CADPS: variants seen among roughly 807,000 people sequenced by gnomAD.
CADPS encodes the protein calcium-dependent secretion activator 1.
A neutral mutation model predicts 167.3 loss-of-function variants in CADPS; 57 were observed. The ratio of observed to expected loss-of-function variants is 0.34; its 90% CI spans 0.28 to 0.42. CADPS has a LOEUF of 0.42. Among genes scored for constraint, CADPS ranks in the 20% least tolerant of loss-of-function variants. The pLI is 1.00. For synonymous variants in CADPS, 676 were observed against 635.3 expected (o/e 1.06, Z -0.96); for missense variants, 1,414 against 1,738.1 (o/e 0.81, Z 3.32).
chr3:62,554,400 T>C (rs1372961871), intron 10 of CADPS, among the ~76,000 whole-genome samples: 1 of 152,150 alleles, frequency 6.6e-6, no homozygotes, highest in Admixed American at 6.5e-5. Context: ...ACAATATTAA[T>C]TGCATCCCTC....
intron 13 of CADPS, among the ~76,000 whole-genome samples, chr3:62,525,878 C>G (rs967545375): frequency 6.6e-6 from 1 of 151,990 alleles, no homozygotes; most frequent in Non-Finnish European, 1.5e-5. Context: ...ACATTGGAGG[C>G]AAGGGCACAG....
rs72891934 is a variant in CADPS at position 62,504,902 on chromosome 3, C to A, written c.2600-5634G>T. 5.7e-3 allele frequency among the ~76,000 whole-genome samples: 867 copies of A among 152,264 alleles called. 9 individuals carry two copies. Among genetic ancestry groups the A allele is most frequent in the African/African-American group, 0.019 (788 of 41,542 alleles). On this transcript the variant is annotated intron_variant, in intron 17 of 29. Coordinates refer to ENST00000383710, the MANE Select transcript of CADPS (RefSeq NM_003716.4). ...CCTTAAATAACCTGACCAACTCTGGCTCTAGCTAGTGAATTGCCAGTCCCT... is the reference window on the plus strand; with the variant it reads ...CCTTAAATAACCTGACCAACTCTGGATCTAGCTAGTGAATTGCCAGTCCCT...
chr3:62,417,695 A>G (rs1413281408), intron 28 of CADPS, among the ~76,000 whole-genome samples: 2 of 151,954 alleles, frequency 1.3e-5, no homozygotes, highest in African/African-American at 4.8e-5. Flanking sequence ...ATAATATTGC[A>G]ATGACTCACA....
chr3:62,516,468 G>A lies in CADPS; in HGVS notation c.2457+112C>T, dbSNP rs2069024425. 6 of 874,968 alleles carry A rather than the reference G, an allele frequency of 6.9e-6. No homozygotes were observed. In the Admixed American group the frequency reaches 1.6e-4, roughly 24 times the overall value. The allele number at this position is 874,968 out of a possible 1,614,324, so 54.2% of individuals were successfully genotyped here. A position where few individuals can be genotyped will look rare whatever the true frequency, so the allele number is the denominator to read the frequency against. On this transcript the variant is annotated intron_variant, in intron 15 of 29. Transcript: ENST00000383710. The stretch of plus-strand genomic sequence containing the variant: ...CTTCTATTCTGATATTTGATGAATG[G>A]TAAACAAATCCTATAAAAATTACAA...
At chr3:62,819,514 G>C (rs1368028327) in intron 1 of CADPS, among the ~76,000 whole-genome samples, 2 of 151,434 alleles carry the variant, frequency 1.3e-5, no homozygotes, top group Admixed American at 1.3e-4. Flanking sequence ...GAAAGGCATG[G>C]CCCCCCCTTC....
At chr3:62,554,044 T>C (rs534764390) in intron 10 of CADPS, among the ~76,000 whole-genome samples, 1 of 152,322 alleles carries the variant, frequency 6.6e-6, no homozygotes, top group African/African-American at 2.4e-5. Context: ...ATGGCCAAAG[T>C]CCATTTATGA....
intron 4 of CADPS, among the ~76,000 whole-genome samples, chr3:62,660,283 C>A (rs903767907): frequency 6.6e-6 from 1 of 152,092 alleles, no homozygotes. Context: ...GGAATATACT[C>A]GTTGTCTAAA....
rs369874258 is a variant in CADPS at position 62,649,543 on chromosome 3, C to CTTTTTTTTTTT, written c.1203+1293_1203+1303dup. Among the ~76,000 whole-genome samples the CTTTTTTTTTTT allele has an allele frequency of 2.1e-4, 8 of 37,802 alleles. 1 individual carries two copies. Among genetic ancestry groups the CTTTTTTTTTTT allele is most frequent in the African/African-American group, 4.4e-4 (4 of 9,010 alleles). The allele number at this position is 37,802 out of a possible 152,430, so 24.8% of individuals were successfully genotyped here. On this transcript the variant is annotated intron_variant, in intron 5 of 29. Coordinates refer to ENST00000383710, the MANE Select transcript of CADPS (RefSeq NM_003716.4). ...TCAAGGGAATCATACAATATGTGGT[C>CTTTTTTTTTTT]TTTTTTTTTTTTTTTTTTTTTTTTT...
intron 17 of CADPS, among the ~76,000 whole-genome samples, chr3:62,511,722 C>A (rs1286613499): frequency 4.6e-5 from 7 of 152,050 alleles, no homozygotes; most frequent in Non-Finnish European, 8.8e-5. Flanking sequence ...TGCCCCATCC[C>A]TTTTACACAT....
At chr3:62,743,634 T>C (rs1488602010) in intron 3 of CADPS, among the ~76,000 whole-genome samples, 1 of 152,212 alleles carries the variant, frequency 6.6e-6, no homozygotes, top group African/African-American at 2.4e-5. Context: ...AAGCATTCCC[T>C]ATCCTTCAAC....
chr3:62,862,217 G>GA (rs2080930729), intron 1 of CADPS, among the ~76,000 whole-genome samples: 1 of 131,836 alleles, frequency 7.6e-6, no homozygotes, highest in Non-Finnish European at 1.6e-5. Flanking sequence ...GAAAACAGTG[G>GA]TTTTTTTTTT....
At chr3:62,827,505 G>A (rs2074282089) in intron 1 of CADPS, among the ~76,000 whole-genome samples, 1 of 152,158 alleles carries the variant, frequency 6.6e-6, no homozygotes, top group Non-Finnish European at 1.5e-5. Flanking sequence ...AAGCCAGTAA[G>A]GAAGGGGTGA....
chr3:62,855,489 T>C (rs1325955787), intron 1 of CADPS, among the ~76,000 whole-genome samples: 1 of 152,038 alleles, frequency 6.6e-6, no homozygotes, highest in Admixed American at 6.6e-5. Context: ...GAAGAAAAGG[T>C]AAAAACATAT....
At chr3:62,598,013 A>C (rs719590) in intron 6 of CADPS, among the ~76,000 whole-genome samples, 20,351 of 152,108 alleles carry the variant, frequency 0.13, 1,855 homozygotes, top group South Asian at 0.25. Context: ...AACAAAACAC[A>C]CACAAAAAGT....
chr3:62,511,567 C>CAAA (rs2067831858), intron 17 of CADPS, among the ~76,000 whole-genome samples: 2 of 152,118 alleles, frequency 1.3e-5, no homozygotes, highest in Admixed American at 1.3e-4. Context: ...AGCTATCTGG[C>CAAA]TTTACATATT....
At chr3:62,664,151 C>T (rs373063257) in intron 3 of CADPS, among the ~76,000 whole-genome samples, 10 of 152,152 alleles carry the variant, frequency 6.6e-5, no homozygotes, top group East Asian at 5.8e-4. Flanking sequence ...GGATTACAGG[C>T]GCATGCCATT....
rs112963304 is a variant in CADPS at position 62,741,758 on chromosome 3, C to T, written c.888+11683G>A. On this transcript the variant is annotated intron_variant, in intron 3 of 29. Coordinates refer to ENST00000383710, the MANE Select transcript of CADPS (RefSeq NM_003716.4). ...TCGCCACTTCTATCCAACACTGTAT[C>T]GGAAGTCTTGGCCAGGGCAATGAAG... Among the ~76,000 whole-genome samples the T allele has an allele frequency of 3.0e-3, 457 of 152,114 alleles. 1 individual carries two copies. Among genetic ancestry groups the T allele is most frequent in the African/African-American group, 0.01 (432 of 41,518 alleles).
chr3:62,794,914 A>G (rs2093286699), intron 1 of CADPS, among the ~76,000 whole-genome samples: 2 of 152,100 alleles, frequency 1.3e-5, no homozygotes, highest in East Asian at 3.9e-4. Context: ...TGTGGATGCC[A>G]GTAATTATCC....
chr3:62,628,497 T>C (rs571825371), intron 6 of CADPS, among the ~76,000 whole-genome samples: 2 of 152,268 alleles, frequency 1.3e-5, no homozygotes, highest in East Asian at 3.9e-4. Context: ...AATAACCTGC[T>C]CTTTTGCAAC....
Sources: gnomAD v4.1 joint callset for allele counts (sites outside exome capture counted in the v4.1 genomes callset) on GRCh38, gnomAD v4.1.1 for gene constraint, MANE v1.5 for transcripts, NCBI Gene and HGNC (gene_info 2026-07-23, HGNC 2026-07-21) for gene names.